MYO1H: variants seen among roughly 807,000 people sequenced by gnomAD.
MYO1H encodes myosin IH.
Under a neutral mutation model 149.3 loss-of-function variants are expected in MYO1H, and 118 were observed. That is an observed-to-expected ratio of 0.79 (90% CI 0.68 to 0.92). MYO1H has a LOEUF of 0.92. MYO1H is among the 40% of genes least tolerant of loss of function. The pLI, the probability that MYO1H is intolerant of heterozygous loss-of-function variation, is 0.00. For synonymous variants in MYO1H, 447 were observed against 465.2 expected, an observed-to-expected ratio of 0.96 and a Z score of 0.50; for missense variants, 1,212 against 1,280.7, an observed-to-expected ratio of 0.95 and a Z score of 0.82.
intron 4 of MYO1H, among the ~76,000 whole-genome samples, chr12:109,396,829 T>G (rs868728781): frequency 0.079 from 9,933 of 125,076 alleles, 653 homozygotes; most frequent in African/African-American, 0.15. Context: ...TTTTTTTTTT[T>G]TTTTTTTTTT....
chr12:109,358,841 G>C (rs1241362439), intron 1 of MYO1H, among the ~76,000 whole-genome samples: 1 of 99,190 alleles, frequency 1.0e-5, no homozygotes, highest in Non-Finnish European at 1.8e-5. Flanking sequence ...AGCATCCTGT[G>C]GTGTTAAAAA....
the MYO1H span, among the ~76,000 whole-genome samples, chr12:109,324,618 A>T: frequency 6.6e-6 from 1 of 152,194 alleles, no homozygotes; most frequent in Non-Finnish European, 1.5e-5. Context: ...AGTGAAGATA[A>T]TGGGTGAACA....
intron 14 of MYO1H, among the ~76,000 whole-genome samples, chr12:109,415,292 T>G (rs992224880): frequency 2.0e-5 from 3 of 151,984 alleles, no homozygotes; most frequent in Non-Finnish European, 4.4e-5. Context: ...CTGACCAACA[T>G]GGTGAAACTC....
chr12:109,420,074 C>T (rs186239543), intron 15 of MYO1H, among the ~76,000 whole-genome samples: 171 of 152,224 alleles, frequency 1.1e-3, no homozygotes, highest in African/African-American at 3.9e-3. Context: ...GGGGAATTTT[C>T]TCATCTATTT....
At chr12:109,346,998 A>T (rs914103869), upstream of MYO1H, among the ~76,000 whole-genome samples, 11 of 152,180 alleles carry the variant, frequency 7.2e-5, no homozygotes, top group African/African-American at 2.4e-4. Flanking sequence ...GGCTTGTGTT[A>T]GGGGTTCTCC....
At chr12:109,362,282 TC>T (rs1356834390) in intron 1 of MYO1H, among the ~76,000 whole-genome samples, 1 of 152,214 alleles carries the variant, frequency 6.6e-6, no homozygotes, top group African/African-American at 2.4e-5. Context: ...AGGACATCTT[TC>T]TGTATTCAGC....
chr12:109,417,455 G>C (rs564893572), intron 15 of MYO1H, among the ~76,000 whole-genome samples: 1 of 152,058 alleles, frequency 6.6e-6, no homozygotes, highest in African/African-American at 2.4e-5. Context: ...AGCCTCCCAA[G>C]TAGCTGGGAC....
chr12:109,370,500 A>G (rs1269368396), intron 1 of MYO1H, among the ~76,000 whole-genome samples: 1 of 152,208 alleles, frequency 6.6e-6, no homozygotes, highest in African/African-American at 2.4e-5. Flanking sequence ...AGAGGAAAAT[A>G]CCATCTGGCT....
intron 12 of MYO1H, 72 bp downstream of exon 12, chr12:109,410,140 A>T: frequency 1.3e-6 from 1 of 789,476 alleles, no homozygotes; most frequent in Non-Finnish European, 1.8e-6. Context: ...TAATTTAATT[A>T]ATTTTTTTTT....
intron 19 of MYO1H, among the ~76,000 whole-genome samples, chr12:109,430,255 C>A (rs1018502105): frequency 6.6e-6 from 1 of 152,170 alleles, no homozygotes; most frequent in Non-Finnish European, 1.5e-5. Flanking sequence ...AGGGGAGATT[C>A]ACGGGATCGA....
the MYO1H span, among the ~76,000 whole-genome samples, chr12:109,315,016 C>CA: frequency 6.6e-6 from 1 of 152,136 alleles, no homozygotes; most frequent in African/African-American, 2.4e-5. Flanking sequence ...GTAGGAGGAT[C>CA]GCTTGAGCCC....
upstream of MYO1H, among the ~76,000 whole-genome samples, chr12:109,345,226 C>G (rs1025325855): frequency 3.9e-5 from 6 of 152,060 alleles, no homozygotes; most frequent in Non-Finnish European, 8.8e-5. Context: ...GTTCTAGTAT[C>G]CAGAATATAT....
At chr12:109,406,333 G>A (rs1420057839) in intron 8 of MYO1H, among the ~76,000 whole-genome samples, 2 of 152,018 alleles carry the variant, frequency 1.3e-5, no homozygotes, top group African/African-American at 4.8e-5. Context: ...GGGCGCAATG[G>A]CTCATGCCTG....
intron 4 of MYO1H, 46 bp from the exon 5 acceptor site, chr12:109,397,686 C>A (rs371376269): frequency 6.7e-7 from 1 of 1,492,308 alleles, no homozygotes; most frequent in Non-Finnish European, 9.2e-7. Context: ...GAATTTGATA[C>A]GCATGGTGAG....
At chr12:109,445,572 A>G in exon 31 of MYO1H, 1 of 1,612,970 alleles carries the variant, frequency 6.2e-7, no homozygotes, top group Non-Finnish European at 8.5e-7. Context: ...ACTGGACTGG[A>G]AGAACAAGTC....
At chr12:109,397,454 G>C (rs574934955) in intron 4 of MYO1H, among the ~76,000 whole-genome samples, 8 of 152,232 alleles carry the variant, frequency 5.3e-5, no homozygotes, top group Admixed American at 5.2e-4. Context: ...CATGGGGCTA[G>C]GGTTCTATGT....
the MYO1H span, among the ~76,000 whole-genome samples, chr12:109,319,919 T>A: frequency 8.5e-5 from 13 of 152,188 alleles, no homozygotes; most frequent in Non-Finnish European, 1.6e-4. Context: ...CAGAACAGAT[T>A]GTTTTTGTTT....
At chr12:109,313,056 A>G in the MYO1H span, among the ~76,000 whole-genome samples, 4 of 152,080 alleles carry the variant, frequency 2.6e-5, no homozygotes, top group Non-Finnish European at 5.9e-5. Flanking sequence ...CCTGAGCAAC[A>G]TGGTGAGACT....
chr12:109,390,416 C>T (rs996307721), intron 2 of MYO1H, among the ~76,000 whole-genome samples: 4 of 151,724 alleles, frequency 2.6e-5, no homozygotes, highest in African/African-American at 9.7e-5. Context: ...TCTGAGAATA[C>T]CAGATGTATT....
Sources: allele counts gnomAD v4.1 joint callset (sites outside exome capture counted in the v4.1 genomes callset), GRCh38; gene constraint gnomAD v4.1.1; transcripts MANE v1.5; gene names NCBI Gene and HGNC (gene_info 2026-07-23, HGNC 2026-07-21).